COPG2: variants seen among roughly 807,000 people sequenced by gnomAD.
COPG2 encodes coat protein complex I subunit gamma 2, also known as coatomer subunit gamma-2.
COPG2 carries 37 observed loss-of-function variants against 46.3 expected under a neutral mutation model. The observed-to-expected ratio is 0.80, with a 90% CI of 0.61 to 1.05. The LOEUF (loss-of-function observed/expected upper bound fraction) is 1.05, where lower values mean the gene tolerates loss of function less well. COPG2 is among the 50% of genes least tolerant of loss of function. COPG2 has a pLI of 0.00. For synonymous variants in COPG2, 159 were observed against 129.7 expected (o/e 1.23, Z -1.53); for missense variants, 427 against 387.8 (o/e 1.10, Z -0.85).
At chr7:130,613,465 G>C (rs1794892781) in intron 7 of COPG2, 79 bp downstream of exon 7, 2 of 825,906 alleles carry the variant, frequency 2.4e-6, no homozygotes, top group Non-Finnish European at 2.0e-6. Flanking sequence ...TCATTTGTGA[G>C]ACAATCATAG....
chr7:130,588,449 T>A (rs543902660), intron 9 of COPG2, among the ~76,000 whole-genome samples: 19 of 152,150 alleles, frequency 1.2e-4, no homozygotes, highest in Admixed American at 8.5e-4. Context: ...ATATACACCA[T>A]GGAATACTAT....
At chr7:130,608,125 AT>A (rs1198030541) in intron 9 of COPG2, 5 of 379,278 alleles carry the variant, frequency 1.3e-5, no homozygotes, top group Admixed American at 7.4e-5. Context: ...TTTTACAAAG[AT>A]TTTTTTGTTA....
At chr7:130,534,085 A>T (rs913229407) in intron 20 of COPG2, among the ~76,000 whole-genome samples, 502 of 152,180 alleles carry the variant, frequency 3.3e-3, no homozygotes, top group African/African-American at 0.011. Context: ...GCCAGACCTC[A>T]TGGTGCAAAT....
chr7:130,591,269 G>A (rs1584988060), intron 9 of COPG2, among the ~76,000 whole-genome samples: 1 of 126,344 alleles, frequency 7.9e-6, no homozygotes, highest in Admixed American at 7.5e-5. Flanking sequence ...GAGGGAGGTG[G>A]GGGCGTCAGC....
At chr7:130,652,606 C>CT (rs1334407604) in intron 5 of COPG2, among the ~76,000 whole-genome samples, 1 of 152,050 alleles carries the variant, frequency 6.6e-6, no homozygotes, top group Non-Finnish European at 1.5e-5. Context: ...TGCACGTTAT[C>CT]TTTTACTTTT....
At chr7:130,578,953 A>G (rs1404678463) in intron 9 of COPG2, among the ~76,000 whole-genome samples, 1 of 148,786 alleles carries the variant, frequency 6.7e-6, no homozygotes, top group Non-Finnish European at 1.5e-5. Context: ...AACTTCCCCA[A>G]TCTAGCAAGG....
chr7:130,634,170 T>C (rs879981720), intron 5 of COPG2, among the ~76,000 whole-genome samples: 1 of 152,222 alleles, frequency 6.6e-6, no homozygotes, highest in African/African-American at 2.4e-5. Context: ...TCCAGCTTTG[T>C]TCTTTTTGCT....
At chr7:130,520,947 C>A (rs1416551961) in intron 20 of COPG2, among the ~76,000 whole-genome samples, 3 of 152,054 alleles carry the variant, frequency 2.0e-5, no homozygotes, top group Non-Finnish European at 4.4e-5. Flanking sequence ...ATAATTAGGT[C>A]ATTATCCTTT....
intron 5 of COPG2, among the ~76,000 whole-genome samples, chr7:130,646,960 T>C (rs1334256865): frequency 0.019 from 17 of 914 alleles, no homozygotes; most frequent in Non-Finnish European, 0.096. Flanking sequence ...TATATATGCA[T>C]ATATATATGT....
rs782258897 is a variant in COPG2 at position 130,508,620 on chromosome 7, C to G, written c.2189G>C (p.Arg730Pro). 1 of 774,948 alleles carries G rather than the reference C, an allele frequency of 1.3e-6. No individual in the cohort carries two copies. The highest frequency in any genetic ancestry group is 1.4e-5 in the South Asian group (1 of 72,674). 48.0% of individuals were successfully genotyped at this position (774,948 alleles called of 1,614,324 possible). A position where few individuals can be genotyped will look rare whatever the true frequency, so the allele number is the denominator to read the frequency against. Residue 730 changes from arginine to proline, a missense_variant, in exon 21 of 24, where the codon CGG becomes CCG. Arg to Pro is a moderately radical substitution (Grantham distance 103). Coordinates refer to ENST00000425248, the MANE Select transcript of COPG2 (RefSeq NM_012133.6). ...SFSCTMKFTV[R>P]DCDPNTGVPD... ...AACTCCAGTGTTAGGGTCACAGTCCCGGACTGTAAACTTCATGGTGCAGCT... is the reference window on the plus strand; with the variant it reads ...AACTCCAGTGTTAGGGTCACAGTCCGGGACTGTAAACTTCATGGTGCAGCT...
At chr7:130,627,266 A>G (rs1410855426) in intron 5 of COPG2, among the ~76,000 whole-genome samples, 1 of 152,222 alleles carries the variant, frequency 6.6e-6, no homozygotes, top group Non-Finnish European at 1.5e-5. Flanking sequence ...AGGAAAAGCA[A>G]AAAGAGAACG....
rs539752204 is a variant in COPG2 at position 130,595,778 on chromosome 7, G to A, written c.737+15175C>T. On this transcript the variant is annotated intron_variant, in intron 9 of 23. Transcript: ENST00000425248. ...GTCAAGAGTCTGGACACCGGCTGGC[G>A]CTGAGGTCCCATCGGCATTTGGGGA... 6.6e-4 allele frequency among the ~76,000 whole-genome samples: 99 copies of A among 151,010 alleles called. 1 individual carries two copies. The highest frequency in any genetic ancestry group is 2.3e-3 in the African/African-American group (95 of 41,150).
chr7:130,601,746 T>C (rs1457356961), intron 9 of COPG2, among the ~76,000 whole-genome samples: 1 of 151,676 alleles, frequency 6.6e-6, no homozygotes, highest in Non-Finnish European at 1.5e-5. Flanking sequence ...CAAACCACCA[T>C]GGCACATGTA....
intron 12 of COPG2, 76 bp from the exon 13 acceptor site, chr7:130,555,208 C>T (rs1399830614): frequency 3.6e-5 from 14 of 393,694 alleles, no homozygotes; most frequent in Non-Finnish European, 5.8e-5. Flanking sequence ...AGAGAAAAGA[C>T]ATTCATCTTT....
At chr7:130,650,706 C>A (rs1795719478) in intron 5 of COPG2, among the ~76,000 whole-genome samples, 2 of 152,116 alleles carry the variant, frequency 1.3e-5, no homozygotes, top group Non-Finnish European at 2.9e-5. Flanking sequence ...ACAGTTGTGC[C>A]AAGTGAAATC....
chr7:130,539,561 G>A (rs1361060523), intron 20 of COPG2, among the ~76,000 whole-genome samples: 3 of 152,192 alleles, frequency 2.0e-5, no homozygotes, highest in East Asian at 3.9e-4. Flanking sequence ...CAGATGAAGC[G>A]ACAGGCCCTG....
At chr7:130,643,684 A>G (rs1362123772) in intron 5 of COPG2, among the ~76,000 whole-genome samples, 1 of 152,124 alleles carries the variant, frequency 6.6e-6, no homozygotes, top group Non-Finnish European at 1.5e-5. Flanking sequence ...CAAGCTACGC[A>G]TCGTGGTTTA....
chr7:130,613,200 G>A (rs1794886201), intron 7 of COPG2, among the ~76,000 whole-genome samples: 1 of 152,102 alleles, frequency 6.6e-6, no homozygotes, highest in Non-Finnish European at 1.5e-5. Context: ...TATGAGGCCG[G>A]CAACCTAGAT....
At chr7:130,667,437 A>C (rs1554461622) in intron 2 of COPG2, 45 bp downstream of exon 2, 1 of 1,548,558 alleles carries the variant, frequency 6.5e-7, no homozygotes, top group Non-Finnish European at 8.9e-7. Context: ...CACCACTCTA[A>C]AACAGAATAG....
Sources: allele counts gnomAD v4.1 joint callset (sites outside exome capture counted in the v4.1 genomes callset), GRCh38; gene constraint gnomAD v4.1.1; transcripts MANE v1.5; gene names NCBI Gene and HGNC (gene_info 2026-07-23, HGNC 2026-07-21).